ERBB4: variants seen among roughly 807,000 people sequenced by gnomAD.
The protein encoded by ERBB4 is erb-b2 receptor tyrosine kinase 4, also known as receptor tyrosine-protein kinase erbB-4.
In ERBB4, 42 loss-of-function variants were observed where a neutral mutation model predicts 158.0. That is an observed-to-expected ratio of 0.27 (90% CI 0.21 to 0.34). The LOEUF (loss-of-function observed/expected upper bound fraction) is 0.34, where lower values mean the gene tolerates loss of function less well. ERBB4 is among the 10% of genes least tolerant of loss of function. ERBB4 has a pLI of 1.00. For synonymous variants in ERBB4, 583 were observed against 558.7 expected, an observed-to-expected ratio of 1.04 and a Z score of -0.61; for missense variants, 1,333 against 1,624.1, an observed-to-expected ratio of 0.82 and a Z score of 3.08.
At chr2:211,753,399 A>G (rs2075194262) in intron 4 of ERBB4, among the ~76,000 whole-genome samples, 1 of 152,206 alleles carries the variant, frequency 6.6e-6, no homozygotes, top group Non-Finnish European at 1.5e-5. Flanking sequence ...TAAGCAATGG[A>G]CATAAAATAT....
chr2:212,083,744 TC>T (rs1575609361), intron 2 of ERBB4, among the ~76,000 whole-genome samples: 2 of 151,980 alleles, frequency 1.3e-5, no homozygotes, highest in East Asian at 3.9e-4. Context: ...AAAATATTTA[TC>T]TCCAGATTTT....
rs553515350 is a variant in ERBB4, at chr2:211,832,964, T to C, written c.422-44805A>G. Among the ~76,000 whole-genome samples, 6 of 152,022 alleles carry C rather than the reference T, an allele frequency of 3.9e-5. No homozygotes were observed. In the South Asian group the frequency reaches 6.2e-4, roughly 16 times the overall value. ...TGTTCAAATTTCAGTTTGGCAGCTA[T>C]GAAATCTCTAGAAACTGATCAAATA... On this transcript the variant is annotated intron_variant, in intron 3 of 27. Transcript: ENST00000342788.
rs543370929 is a variant in ERBB4, at chr2:212,437,945, G to A, written c.82+100504C>T. ...CACAATCACTCTCTGGTTCCTCACAGTACCTACTCATTCTCTAGTTCTGCT... is the reference window on the plus strand; with the variant it reads ...CACAATCACTCTCTGGTTCCTCACAATACCTACTCATTCTCTAGTTCTGCT... On this transcript the variant is annotated intron_variant, in intron 1 of 27. Transcript: ENST00000342788. Among the ~76,000 whole-genome samples the A allele has an allele frequency of 6.2e-4, 94 of 152,098 alleles. 2 individuals are homozygous for A. The South Asian group carries it at 0.019, about 31-fold the overall frequency.
At chr2:211,738,772 T>C (rs555595844) in intron 5 of ERBB4, among the ~76,000 whole-genome samples, 2 of 151,892 alleles carry the variant, frequency 1.3e-5, no homozygotes, top group African/African-American at 4.8e-5. Flanking sequence ...GTTCAAGCGA[T>C]TCTCATGCGT....
At chr2:212,193,878 C>A (rs2082346528) in intron 1 of ERBB4, among the ~76,000 whole-genome samples, 1 of 151,986 alleles carries the variant, frequency 6.6e-6, no homozygotes, top group South Asian at 2.1e-4. Flanking sequence ...TTGTGGTAGA[C>A]TTTCAAGACT....
At chr2:212,153,228 C>G (rs527923185) in intron 1 of ERBB4, among the ~76,000 whole-genome samples, 2 of 152,242 alleles carry the variant, frequency 1.3e-5, no homozygotes, top group African/African-American at 4.8e-5. Context: ...GGCAAAATAC[C>G]AATTTTTTCT....
At chr2:212,207,616 T>A (rs2082805040) in intron 1 of ERBB4, among the ~76,000 whole-genome samples, 1 of 152,142 alleles carries the variant, frequency 6.6e-6, no homozygotes, top group Non-Finnish European at 1.5e-5. Flanking sequence ...TAGGGTTTTT[T>A]TGGAATAGCA....
chr2:212,362,390 C>G (rs2089721404), intron 1 of ERBB4, among the ~76,000 whole-genome samples: 1 of 151,302 alleles, frequency 6.6e-6, no homozygotes, highest in African/African-American at 2.4e-5. Flanking sequence ...AGCTTTTAAA[C>G]ATATACTCAC....
chr2:211,939,948 A>G (rs1240932319), intron 3 of ERBB4, among the ~76,000 whole-genome samples: 1 of 124,622 alleles, frequency 8.0e-6, no homozygotes, highest in Non-Finnish European at 1.6e-5. Context: ...CTCCGTCTCA[A>G]AAAAAAAGGA....
chr2:212,023,383 AGAT>A (rs1234640816), intron 2 of ERBB4, among the ~76,000 whole-genome samples: 3 of 152,082 alleles, frequency 2.0e-5, no homozygotes, highest in Non-Finnish European at 4.4e-5. Flanking sequence ...CACACCTATG[AGAT>A]GATATTTCCA....
At chr2:211,948,365 G>T (rs1352172828) in intron 2 of ERBB4, among the ~76,000 whole-genome samples, 1 of 147,516 alleles carries the variant, frequency 6.8e-6, no homozygotes, top group Non-Finnish European at 1.5e-5. Flanking sequence ...GAACCCAGGA[G>T]GCGGAGGCTG....
At chr2:212,081,200 G>A (rs2078432260) in intron 2 of ERBB4, among the ~76,000 whole-genome samples, 2 of 152,064 alleles carry the variant, frequency 1.3e-5, no homozygotes, top group African/African-American at 2.4e-5. Flanking sequence ...ATAAAAAGAC[G>A]GGTGGTGAGG....
intron 20 of ERBB4, among the ~76,000 whole-genome samples, chr2:211,451,553 A>G (rs1385426122): frequency 6.6e-6 from 1 of 152,190 alleles, no homozygotes; most frequent in African/African-American, 2.4e-5. Flanking sequence ...TCAAGAACCT[A>G]ACAAAAAACA....
intron 1 of ERBB4, among the ~76,000 whole-genome samples, chr2:212,232,429 G>C (rs575603586): frequency 6.6e-6 from 1 of 152,044 alleles, no homozygotes; most frequent in Non-Finnish European, 1.5e-5. Flanking sequence ...ATTATTTTGA[G>C]ACAGAGTCTT....
intron 1 of ERBB4, among the ~76,000 whole-genome samples, chr2:212,204,138 G>T (rs1162804866): frequency 6.6e-6 from 1 of 152,094 alleles, no homozygotes; most frequent in Admixed American, 6.5e-5. Context: ...TGTAAAATAA[G>T]TCACTGATTT....
intron 1 of ERBB4, among the ~76,000 whole-genome samples, chr2:212,198,262 G>A (rs1032852413): frequency 3.9e-5 from 6 of 152,012 alleles, no homozygotes; most frequent in African/African-American, 1.5e-4. Context: ...ACAATTCAAT[G>A]GCATTAAGTA....
At chr2:211,489,286 A>G (rs11904566) in intron 20 of ERBB4, among the ~76,000 whole-genome samples, 3,683 of 152,158 alleles carry the variant, frequency 0.024, 74 homozygotes, top group Middle Eastern at 0.061. Flanking sequence ...ATGACTATAA[A>G]GCAGTATAAT....
intron 19 of ERBB4, among the ~76,000 whole-genome samples, chr2:211,587,791 A>G (rs1206985873): frequency 2.6e-5 from 4 of 152,196 alleles, no homozygotes; most frequent in Non-Finnish European, 5.9e-5. Context: ...AACAACCTCT[A>G]TGAAAGGTAA....
intron 20 of ERBB4, among the ~76,000 whole-genome samples, chr2:211,559,215 C>A (rs1428675326): frequency 6.6e-6 from 1 of 152,116 alleles, no homozygotes. Context: ...ATTCCATCTA[C>A]TTCTCCTTAT....
Sources: gnomAD v4.1 joint callset for allele counts (sites outside exome capture counted in the v4.1 genomes callset) on GRCh38, gnomAD v4.1.1 for gene constraint, MANE v1.5 for transcripts, NCBI Gene and HGNC (gene_info 2026-07-23, HGNC 2026-07-21) for gene names.